The following PDE4B variants were observed in gnomAD, a reference collection of about 807,000 sequenced individuals.
The protein encoded by PDE4B is phosphodiesterase 4B.
In PDE4B, 20 loss-of-function variants were observed where a neutral mutation model predicts 82.2. The ratio of observed to expected loss-of-function variants is 0.24; its 90% CI spans 0.17 to 0.35. The LOEUF is 0.35. Among genes scored for constraint, PDE4B ranks in the 10% least tolerant of loss-of-function variants. The pLI is 1.00. For missense variants in PDE4B, 655 were observed against 907.2 expected (o/e 0.72, Z 3.57); for synonymous variants, 320 against 318.9 (o/e 1.00, Z -0.04).
At chr1:66,172,386 A>G (rs1646854055) in intron 3 of PDE4B, among the ~76,000 whole-genome samples, 1 of 152,174 alleles carries the variant, frequency 6.6e-6, no homozygotes, top group Admixed American at 6.6e-5. Context: ...TGTCTTTGCT[A>G]TTGTGAATAG....
At chr1:66,216,825 C>T (rs1314039175) in intron 3 of PDE4B, among the ~76,000 whole-genome samples, 2 of 152,084 alleles carry the variant, frequency 1.3e-5, no homozygotes, top group Admixed American at 6.6e-5. Context: ...GTCTTAATAG[C>T]ACAGTCATTA....
At chr1:66,342,238 G>A (rs569585575) in intron 8 of PDE4B, among the ~76,000 whole-genome samples, 5 of 152,096 alleles carry the variant, frequency 3.3e-5, no homozygotes, top group Admixed American at 2.6e-4. Flanking sequence ...AGAGTCTAAC[G>A]TTAGCTCTTT....
intron 8 of PDE4B, among the ~76,000 whole-genome samples, chr1:66,333,486 A>G (rs1348565061): frequency 6.6e-6 from 1 of 152,056 alleles, no homozygotes; most frequent in Non-Finnish European, 1.5e-5. Context: ...ACACACACAC[A>G]TACACTTTGT....
intron 3 of PDE4B, among the ~76,000 whole-genome samples, chr1:65,921,069 C>T (rs1647232778): frequency 6.9e-6 from 1 of 145,374 alleles, no homozygotes; most frequent in Non-Finnish European, 1.5e-5. Flanking sequence ...CCCGGGTTCA[C>T]GCCATTCTCC....
At chr1:66,135,938 G>T (rs1335832323) in intron 3 of PDE4B, among the ~76,000 whole-genome samples, 1 of 152,186 alleles carries the variant, frequency 6.6e-6, no homozygotes, top group African/African-American at 2.4e-5. Flanking sequence ...GCCATGAAAG[G>T]TCTCTCTTGA....
At chr1:66,008,632 C>G (rs1652291828) in intron 3 of PDE4B, among the ~76,000 whole-genome samples, 1 of 152,134 alleles carries the variant, frequency 6.6e-6, no homozygotes, top group Non-Finnish European at 1.5e-5. Context: ...ATAAGCAAAA[C>G]TCTCCCAAAT....
intron 8 of PDE4B, chr1:66,354,279 A>C: frequency 2.3e-6 from 1 of 431,294 alleles, no homozygotes; most frequent in Non-Finnish European, 3.1e-6. Context: ...CTGCATCTGC[A>C]GAATTCTGGT....
intron 3 of PDE4B, among the ~76,000 whole-genome samples, chr1:66,057,544 G>T (rs6691634): frequency 0.067 from 10,176 of 152,210 alleles, 620 homozygotes; most frequent in East Asian, 0.26. Flanking sequence ...AATTACAAAA[G>T]AAAGAGGTTT....
At chr1:65,922,168 G>A (rs1647272571) in intron 3 of PDE4B, among the ~76,000 whole-genome samples, 1 of 152,164 alleles carries the variant, frequency 6.6e-6, no homozygotes, top group Non-Finnish European at 1.5e-5. Flanking sequence ...CCTTTCAGAT[G>A]AGTTTCTATT....
chr1:66,301,894 C>T (rs557463014), intron 7 of PDE4B, among the ~76,000 whole-genome samples: 109 of 152,184 alleles, frequency 7.2e-4, no homozygotes, highest in African/African-American at 2.6e-3. Context: ...GTAACATGTT[C>T]GTTGGGCTTT....
chr1:66,350,601 T>G (rs1661750187), intron 8 of PDE4B, among the ~76,000 whole-genome samples: 1 of 152,128 alleles, frequency 6.6e-6, no homozygotes, highest in Admixed American at 6.5e-5. Flanking sequence ...TTATCACTAT[T>G]CTGGACTGTT....
intron 3 of PDE4B, among the ~76,000 whole-genome samples, chr1:66,041,270 T>C (rs1654354901): frequency 6.6e-6 from 1 of 151,960 alleles, no homozygotes; most frequent in East Asian, 1.9e-4. Context: ...CTTCTATTGA[T>C]TTTTTACCAT....
intron 3 of PDE4B, among the ~76,000 whole-genome samples, chr1:65,967,690 T>TA (rs931434709): frequency 4.3e-4 from 65 of 152,046 alleles, no homozygotes; most frequent in African/African-American, 1.5e-3. Flanking sequence ...TACGCAGCCA[T>TA]AAAAAAGGAT....
At chr1:66,059,669 G>A (rs973894039) in intron 3 of PDE4B, among the ~76,000 whole-genome samples, 2 of 152,076 alleles carry the variant, frequency 1.3e-5, no homozygotes, top group South Asian at 2.1e-4. Flanking sequence ...TGAGAATAAC[G>A]CAGAAAAGAC....
At chr1:66,330,754 G>A (rs2101911892) in intron 7 of PDE4B, 1 of 985,198 alleles carries the variant, frequency 1.0e-6, no homozygotes, top group Non-Finnish European at 1.2e-6. Flanking sequence ...GAGGCAAGGG[G>A]TTGTTTCGGA....
intron 3 of PDE4B, among the ~76,000 whole-genome samples, chr1:66,135,149 A>G (rs186692662): frequency 4.7e-4 from 71 of 152,340 alleles, no homozygotes; most frequent in African/African-American, 1.7e-3. Flanking sequence ...TGGTGGAAGC[A>G]GAGGGTGGAC....
At chr1:66,134,514 C>A (rs1022476937) in intron 3 of PDE4B, among the ~76,000 whole-genome samples, 1 of 152,182 alleles carries the variant, frequency 6.6e-6, no homozygotes, top group South Asian at 2.1e-4. Context: ...TTAGACTCAG[C>A]GTCCAAAGGG....
At chr1:65,838,154 G>A (rs1646162952) in intron 1 of PDE4B, among the ~76,000 whole-genome samples, 1 of 152,112 alleles carries the variant, frequency 6.6e-6, no homozygotes. Context: ...CATTAGAAGT[G>A]TATGTCTTGC....
intron 10 of PDE4B, 116 bp downstream of exon 10, chr1:66,361,909 T>G: frequency 1.2e-6 from 1 of 803,132 alleles, no homozygotes; most frequent in East Asian, 2.8e-5. Context: ...CATTTTGTGT[T>G]AGGGAAGCTC....
Sources: gnomAD v4.1 joint callset for allele counts (sites outside exome capture counted in the v4.1 genomes callset) on GRCh38, gnomAD v4.1.1 for gene constraint, MANE v1.5 for transcripts, NCBI Gene and HGNC (gene_info 2026-07-23, HGNC 2026-07-21) for gene names.